WWOX: variants seen among roughly 807,000 people sequenced by gnomAD.
WWOX encodes WW domain-containing oxidoreductase.
A neutral mutation model predicts 46.2 loss-of-function variants in WWOX; 69 were observed. The ratio of observed to expected loss-of-function variants is 1.49; its 90% CI spans 1.23 to 1.82. WWOX has a LOEUF of 1.82. WWOX is among the 40% of genes most tolerant of loss of function. WWOX has a pLI of 0.00. For synonymous variants in WWOX, 359 were observed against 202.6 expected (o/e 1.77, Z -6.56); for missense variants, 919 against 542.6 (o/e 1.69, Z -6.89).
At chr16:79,063,084 C>T (rs539200738) in intron 8 of WWOX, among the ~76,000 whole-genome samples, 4 of 152,272 alleles carry the variant, frequency 2.6e-5, no homozygotes, top group South Asian at 2.1e-4. Context: ...AAGTTGGTGC[C>T]GCGCCAAATC....
chr16:78,364,230 C>G (rs1740967909), intron 5 of WWOX, among the ~76,000 whole-genome samples: 1 of 152,150 alleles, frequency 6.6e-6, no homozygotes, highest in African/African-American at 2.4e-5. Flanking sequence ...GGTATATTTT[C>G]TTACCTGTCA....
At chr16:78,909,006 T>C (rs1224644790) in intron 8 of WWOX, among the ~76,000 whole-genome samples, 1 of 152,152 alleles carries the variant, frequency 6.6e-6, no homozygotes, top group Non-Finnish European at 1.5e-5. Flanking sequence ...GGCAGGAAGG[T>C]TGTTTATTTT....
intron 8 of WWOX, among the ~76,000 whole-genome samples, chr16:78,775,201 C>T (rs971956594): frequency 6.6e-6 from 1 of 152,156 alleles, no homozygotes; most frequent in African/African-American, 2.4e-5. Flanking sequence ...TCTGCCTGTT[C>T]ATTGAACTGA....
rs113167790 is a variant in WWOX, at chr16:78,517,638, T to C, written c.1056+84886T>C. Among the ~76,000 whole-genome samples, 35 of 152,224 alleles carry C rather than the reference T, an allele frequency of 2.3e-4. 1 individual carries two copies. The highest frequency in any genetic ancestry group is 8.4e-4 in the African/African-American group (35 of 41,544). ...GCGTCGCCACATCTGTCAAAAGTCC[T>C]CAGCGCTCCCCGCAATCCATGTCTG... On this transcript the variant is annotated intron_variant, in intron 8 of 8. Transcript: ENST00000566780.
chr16:78,788,670 A>G (rs2050517676), intron 8 of WWOX, among the ~76,000 whole-genome samples: 1 of 152,226 alleles, frequency 6.6e-6, no homozygotes, highest in Non-Finnish European at 1.5e-5. Flanking sequence ...TAAAGCAGTA[A>G]GGGGTAGCAA....
At chr16:78,965,804 A>G (rs774108617) in intron 8 of WWOX, among the ~76,000 whole-genome samples, 14 of 152,144 alleles carry the variant, frequency 9.2e-5, no homozygotes, top group Non-Finnish European at 2.1e-4. Flanking sequence ...TATAATATCT[A>G]GAGGCTTATT....
intron 8 of WWOX, among the ~76,000 whole-genome samples, chr16:78,472,215 G>C (rs1597133131): frequency 6.6e-6 from 1 of 152,136 alleles, no homozygotes; most frequent in Admixed American, 6.6e-5. Flanking sequence ...CAAGGAACTG[G>C]CTGCATATTG....
chr16:79,140,374 A>G (rs752810424), intron 8 of WWOX, among the ~76,000 whole-genome samples: 5 of 152,160 alleles, frequency 3.3e-5, no homozygotes, highest in Non-Finnish European at 7.3e-5. Context: ...TCGAACTTCC[A>G]CCGCAGCATC....
At chr16:79,154,646 C>T (rs1448548727) in intron 8 of WWOX, among the ~76,000 whole-genome samples, 2 of 152,110 alleles carry the variant, frequency 1.3e-5, no homozygotes, top group South Asian at 2.1e-4. Flanking sequence ...AAAATACAAC[C>T]CTTATGCTGA....
At chr16:78,529,249 C>T (rs927886762) in intron 8 of WWOX, among the ~76,000 whole-genome samples, 3 of 152,090 alleles carry the variant, frequency 2.0e-5, no homozygotes, top group Non-Finnish European at 4.4e-5. Flanking sequence ...GCTACTGTAC[C>T]CGACCAAGAA....
chr16:78,239,153 C>G (rs745794867), intron 5 of WWOX, among the ~76,000 whole-genome samples: 8 of 152,182 alleles, frequency 5.3e-5, no homozygotes, highest in Non-Finnish European at 5.9e-5. Context: ...TTCATCCTGA[C>G]TTTGCCTCAG....
intron 8 of WWOX, among the ~76,000 whole-genome samples, chr16:78,859,001 T>TAA (rs542176032): frequency 2.3e-4 from 10 of 44,300 alleles, no homozygotes; most frequent in Non-Finnish European, 4.3e-4. Flanking sequence ...TTTTGAAATT[T>TAA]AAAAAAAAAA....
intron 8 of WWOX, among the ~76,000 whole-genome samples, chr16:78,752,428 C>T (rs143643588): frequency 6.6e-6 from 1 of 152,278 alleles, no homozygotes; most frequent in African/African-American, 2.4e-5. Flanking sequence ...GCTGGGATTA[C>T]AGGCACACAC....
intron 8 of WWOX, among the ~76,000 whole-genome samples, chr16:78,624,750 C>A (rs1298882985): frequency 6.6e-6 from 1 of 152,176 alleles, no homozygotes; most frequent in Non-Finnish European, 1.5e-5. Context: ...AGCACCCTGG[C>A]TGGAAATTAT....
chr16:78,686,807 T>C (rs925285770), intron 8 of WWOX, among the ~76,000 whole-genome samples: 1 of 152,188 alleles, frequency 6.6e-6, no homozygotes, highest in African/African-American at 2.4e-5. Flanking sequence ...TTGCAGAAAC[T>C]GTTTTCTCTG....
intron 6 of WWOX, among the ~76,000 whole-genome samples, chr16:78,404,455 T>C (rs982050624): frequency 2.6e-5 from 4 of 152,058 alleles, no homozygotes; most frequent in African/African-American, 9.7e-5. Flanking sequence ...AAAGAACCAA[T>C]TCCCTCTTTA....
At chr16:78,561,224 ACT>A (rs1266393370) in intron 8 of WWOX, among the ~76,000 whole-genome samples, 2 of 151,776 alleles carry the variant, frequency 1.3e-5, no homozygotes, top group African/African-American at 4.8e-5. Context: ...AGCAACAGAA[ACT>A]CTCTTGTGCA....
chr16:79,002,015 G>T (rs1796250582), intron 8 of WWOX, among the ~76,000 whole-genome samples: 1 of 152,000 alleles, frequency 6.6e-6, no homozygotes, highest in Non-Finnish European at 1.5e-5. Flanking sequence ...GGGGTCTGGG[G>T]TAACCACAAA....
intron 8 of WWOX, among the ~76,000 whole-genome samples, chr16:79,135,170 C>T (rs2049959186): frequency 6.6e-6 from 1 of 152,214 alleles, no homozygotes; most frequent in East Asian, 1.9e-4. Flanking sequence ...CCACTGTTGA[C>T]AGTGTATTGT....
Sources: allele counts gnomAD v4.1 joint callset (sites outside exome capture counted in the v4.1 genomes callset), GRCh38; gene constraint gnomAD v4.1.1; transcripts MANE v1.5; gene names NCBI Gene and HGNC (gene_info 2026-07-23, HGNC 2026-07-21).